FRMD3: variants seen among roughly 807,000 people sequenced by gnomAD.
FRMD3 encodes FERM domain-containing protein 3.
Under a neutral mutation model 70.2 loss-of-function variants are expected in FRMD3, and 33 were observed. The ratio of observed to expected loss-of-function variants is 0.47; its 90% confidence interval spans 0.36 to 0.63. FRMD3 has a LOEUF of 0.63. Among genes scored for constraint, FRMD3 ranks in the 20% least tolerant of loss-of-function variants. The pLI, the probability that FRMD3 is intolerant of heterozygous loss-of-function variation, is 0.00. For synonymous variants in FRMD3, 279 were observed against 255.9 expected (o/e 1.09, Z -0.86); for missense variants, 632 against 711.4 (o/e 0.89, Z 1.27).
At chr9:83,483,093 CACGTGTTGGAGG>C (rs1828606285) in intron 1 of FRMD3, among the ~76,000 whole-genome samples, 1 of 152,120 alleles carries the variant, frequency 6.6e-6, no homozygotes, top group Admixed American at 6.5e-5. Flanking sequence ...TTGTAATCCC[CACGTGTTGGAGG>C]AGGGGTCTGG....
At chr9:83,553,932 G>A in the FRMD3 span, among the ~76,000 whole-genome samples, 1 of 152,140 alleles carries the variant, frequency 6.6e-6, no homozygotes, top group Non-Finnish European at 1.5e-5. Flanking sequence ...ACAACATTCT[G>A]GCCATTTGAG....
chr9:83,506,474 T>A (rs1469858222), intron 1 of FRMD3, among the ~76,000 whole-genome samples: 1 of 152,200 alleles, frequency 6.6e-6, no homozygotes, highest in Non-Finnish European at 1.5e-5. Context: ...CTGAATACTG[T>A]AGGCAACTGT....
chr9:83,418,515 G>A (rs183516219), intron 1 of FRMD3, among the ~76,000 whole-genome samples: 17 of 152,060 alleles, frequency 1.1e-4, no homozygotes, highest in African/African-American at 3.9e-4. Flanking sequence ...GCCAGTAAAC[G>A]TATGAAAAAA....
intron 1 of FRMD3, among the ~76,000 whole-genome samples, chr9:83,422,461 T>G (rs986889056): frequency 2.6e-5 from 4 of 152,194 alleles, no homozygotes; most frequent in African/African-American, 9.7e-5. Flanking sequence ...CATAAGGCGA[T>G]GACAAGCTCC....
chr9:83,339,237 G>T (rs1168996331), intron 5 of FRMD3, among the ~76,000 whole-genome samples: 1 of 152,164 alleles, frequency 6.6e-6, no homozygotes, highest in Non-Finnish European at 1.5e-5. Flanking sequence ...CCCATCACAG[G>T]CCCTGCTCTG....
At chr9:83,404,201 T>G (rs948559152) in intron 1 of FRMD3, among the ~76,000 whole-genome samples, 2 of 152,164 alleles carry the variant, frequency 1.3e-5, no homozygotes, top group Non-Finnish European at 2.9e-5. Context: ...GATTAGTCAC[T>G]AAGGAGGAAA....
At chr9:83,382,205 C>G (rs1055493599) in intron 2 of FRMD3, among the ~76,000 whole-genome samples, 2 of 152,024 alleles carry the variant, frequency 1.3e-5, no homozygotes, top group African/African-American at 2.4e-5. Flanking sequence ...ATAAATTTAA[C>G]AACATTGCCA....
At position 83,383,878 on chromosome 9, in the gene FRMD3, C is replaced by T. The variant is rs1266003583; in HGVS notation, c.252+5726G>A. On this transcript the variant is annotated intron_variant, in intron 2 of 13. Transcript: ENST00000304195. ...GCAACATTTTATCAAGCATCCATTT[C>T]CCTCCTCAGGAGAGGATATCAGATG... 2.6e-5 allele frequency among the ~76,000 whole-genome samples: 4 copies of T among 152,220 alleles called. No individual in the cohort carries two copies. The East Asian group carries it at 7.7e-4, about 29-fold the overall frequency.
At chr9:83,476,377 C>T (rs948671524) in intron 1 of FRMD3, among the ~76,000 whole-genome samples, 5 of 74,564 alleles carry the variant, frequency 6.7e-5, no homozygotes, top group African/African-American at 3.1e-4. Flanking sequence ...GAGCAAGACT[C>T]TCTCTCAAAA....
intron 13 of FRMD3, among the ~76,000 whole-genome samples, chr9:83,256,140 C>T (rs1161862447): frequency 6.6e-6 from 1 of 152,120 alleles, no homozygotes; most frequent in African/African-American, 2.4e-5. Flanking sequence ...GCTACAGTAA[C>T]CAAAACAGCA....
At chr9:83,368,716 G>C (rs1824870565) in intron 3 of FRMD3, among the ~76,000 whole-genome samples, 1 of 152,170 alleles carries the variant, frequency 6.6e-6, no homozygotes, top group African/African-American at 2.4e-5. Context: ...ATTTGAGGGA[G>C]TCAGATTGTG....
chr9:83,430,228 A>G (rs1163506497), intron 1 of FRMD3, among the ~76,000 whole-genome samples: 4 of 152,032 alleles, frequency 2.6e-5, no homozygotes, highest in African/African-American at 9.7e-5. Flanking sequence ...CCTACAAGCC[A>G]ATGCAGAGAG....
At chr9:83,347,915 C>T (rs972605538) in intron 4 of FRMD3, among the ~76,000 whole-genome samples, 13 of 152,114 alleles carry the variant, frequency 8.5e-5, no homozygotes, top group African/African-American at 2.9e-4. Context: ...CCTTTGGAAA[C>T]TCAAAGGGTC....
At chr9:83,460,543 C>T (rs145032899) in intron 1 of FRMD3, among the ~76,000 whole-genome samples, 370 of 152,292 alleles carry the variant, frequency 2.4e-3, no homozygotes, top group Admixed American at 3.9e-3. Flanking sequence ...GAGCAAGATC[C>T]CTTGTGTCCT....
chr9:83,460,531 C>T (rs866231503), intron 1 of FRMD3, among the ~76,000 whole-genome samples: 3 of 152,144 alleles, frequency 2.0e-5, no homozygotes, highest in Non-Finnish European at 4.4e-5. Context: ...CAGGGCCAAG[C>T]GGAGCAAGAT....
chr9:83,582,209 T>C, the FRMD3 span, among the ~76,000 whole-genome samples: 1 of 152,108 alleles, frequency 6.6e-6, no homozygotes, highest in Non-Finnish European at 1.5e-5. Flanking sequence ...AGCCCTGGGA[T>C]TGCAGGTATG....
intron 1 of FRMD3, among the ~76,000 whole-genome samples, chr9:83,392,482 T>C (rs1587809313): frequency 6.6e-6 from 1 of 152,216 alleles, no homozygotes; most frequent in African/African-American, 2.4e-5. Context: ...ACTGCCCATA[T>C]ACCTCACATC....
At chr9:83,532,739 T>A (rs1829814791) in intron 1 of FRMD3, among the ~76,000 whole-genome samples, 1 of 152,058 alleles carries the variant, frequency 6.6e-6, no homozygotes, top group Non-Finnish European at 1.5e-5. Context: ...CTTTTACAGC[T>A]AGGGCATGGG....
At chr9:83,370,970 C>G (rs1043016917) in intron 3 of FRMD3, among the ~76,000 whole-genome samples, 3 of 152,092 alleles carry the variant, frequency 2.0e-5, no homozygotes, top group African/African-American at 7.2e-5. Flanking sequence ...AGAAAATGCT[C>G]TTAAACGCTA....
Sources: allele counts gnomAD v4.1 joint callset (sites outside exome capture counted in the v4.1 genomes callset), GRCh38; gene constraint gnomAD v4.1.1; transcripts MANE v1.5; gene names NCBI Gene and HGNC (gene_info 2026-07-23, HGNC 2026-07-21).